Variants in SLC9A8 observed in about 807,000 individuals in gnomAD.
The protein encoded by SLC9A8 is solute carrier family 9 member A8, also known as sodium/hydrogen exchanger 8.
In SLC9A8, 48 loss-of-function variants were observed where a neutral mutation model predicts 66.6. The ratio of observed to expected loss-of-function variants is 0.72; its 90% CI spans 0.57 to 0.92. The LOEUF is 0.92. SLC9A8 is among the 40% of genes least tolerant of loss of function. The pLI is 0.00. For missense variants in SLC9A8, 599 were observed against 747.3 expected, an observed-to-expected ratio of 0.80 and a Z score of 2.31; for synonymous variants, 274 against 282.6, an observed-to-expected ratio of 0.97 and a Z score of 0.31.
At position 49,855,422 on chromosome 20, in the gene SLC9A8, C is replaced by T. The variant is rs751725548; in HGVS notation, c.570-16C>T. 1.1e-5 allele frequency: 18 copies of T among 1,613,218 alleles called. No individual in the cohort carries two copies. Among genetic ancestry groups the T allele is most frequent in the South Asian group, 1.1e-5 (1 of 91,016 alleles). On this transcript the variant is annotated splice_polypyrimidine_tract_variant and intron_variant, in intron 7 of 15. Transcript: ENST00000361573. ...ACACACATTACAGAATCTCCCCTTC[C>T]CTCTGTCTCTTACAGTTTTGCGTTT...
rs1029249823 is a variant in SLC9A8 at position 49,889,554 on chromosome 20, A to C, written c.*1618A>C. On this transcript the variant is annotated 3_prime_UTR_variant, in exon 16 of 16. Transcript: ENST00000361573. The stretch of plus-strand genomic sequence containing the variant: ...ATCCTACCACCTCGCCTTGACCCTG[A>C]AGTCAGAGCAGGCCAGCCAAGCAGG... 6.6e-6 allele frequency: 1 copy of C among 152,288 alleles called. No individual in the cohort carries two copies. The highest frequency in any genetic ancestry group is 1.5e-5 in the Non-Finnish European group (1 of 68,084). The allele number at this position is 152,288 out of a possible 1,614,324, so 9.4% of individuals were successfully genotyped here. A position where few individuals can be genotyped will look rare whatever the true frequency, so the allele number is the denominator to read the frequency against.
chr20:49,830,240 TG>T, intron 3 of SLC9A8: 1 of 942,296 alleles, frequency 1.1e-6, no homozygotes, highest in Non-Finnish European at 1.8e-6. Flanking sequence ...AGATGGGATT[TG>T]GGGGCCTTGG....
rs1408123017 is a variant in SLC9A8, at chr20:49,888,357, CA to C, written c.*422del. Reference sequence around the variant, plus strand: ...GCTGCCCCCGCCGGACTGGCAGAGCCAGGGGTCAGCCACCTGCCTTTGAGTC... The same window carrying C: ...GCTGCCCCCGCCGGACTGGCAGAGCCGGGGTCAGCCACCTGCCTTTGAGTC... On this transcript the variant is annotated 3_prime_UTR_variant, in exon 16 of 16. Transcript: ENST00000361573. 5.6e-6 allele frequency: 1 copy of C among 177,986 alleles called. No individual in the cohort carries two copies. Among genetic ancestry groups the C allele is most frequent in the Non-Finnish European group, 1.2e-5 (1 of 81,618 alleles). 11.0% of individuals were successfully genotyped at this position (177,986 alleles called of 1,614,324 possible).
At chr20:49,847,956 C>G (rs993317138) in intron 5 of SLC9A8, among the ~76,000 whole-genome samples, 2 of 125,552 alleles carry the variant, frequency 1.6e-5, no homozygotes, top group Non-Finnish European at 3.1e-5. Flanking sequence ...GTTGCCCAGG[C>G]TGGAGTGCAA....
rs1278107203 is a variant in SLC9A8 at position 49,812,967 on chromosome 20, G to A, written c.26+19G>A. 3.6e-6 allele frequency: 5 copies of A among 1,397,628 alleles called. No individual in the cohort carries two copies. The highest frequency in any genetic ancestry group is 1.5e-5 in the African/African-American group (1 of 65,690). The allele number at this position is 1,397,628 out of a possible 1,614,324, so 86.6% of individuals were successfully genotyped here. ...AAGAGGAGTGAGTGGGCTTTTTCCC[G>A]GGCGGCGGAGGCGGCGGGGCTGGGC... On this transcript the variant is annotated intron_variant, in intron 1 of 15. Coordinates refer to ENST00000361573, the MANE Select transcript of SLC9A8 (RefSeq NM_015266.3).
At position 49,817,086 on chromosome 20, in the gene SLC9A8, C is replaced by G. The variant is rs372050822; in HGVS notation, c.208+1897C>G. ...CTCACACCTATAATCCCAGCACTTTCGCGTGGATCATCTAAGGTCAGGAGT... is the reference window on the plus strand; with the variant it reads ...CTCACACCTATAATCCCAGCACTTTGGCGTGGATCATCTAAGGTCAGGAGT... On this transcript the variant is annotated intron_variant, in intron 2 of 15. Transcript: ENST00000361573. Among the ~76,000 whole-genome samples, 7 of 148,896 alleles carry G rather than the reference C, an allele frequency of 4.7e-5. No homozygotes were observed. In the East Asian group the frequency reaches 6.5e-4, roughly 14 times the overall value.
Position 49,888,083 on chromosome 20 carries a change from C to A in SLC9A8, c.*147C>A. 1 of 628,542 alleles carries A rather than the reference C, an allele frequency of 1.6e-6. No individual in the cohort carries two copies. The highest frequency in any genetic ancestry group is 1.8e-5 in the South Asian group (1 of 54,854). 38.9% of individuals were successfully genotyped at this position (628,542 alleles called of 1,614,324 possible). Reference sequence around the variant, plus strand: ...GGGCGAGGTACTGGCTGCAGAGTCGCCTTAGTCCAGAACCTGACAGGCCTC... The same window carrying A: ...GGGCGAGGTACTGGCTGCAGAGTCGACTTAGTCCAGAACCTGACAGGCCTC... On this transcript the variant is annotated 3_prime_UTR_variant, in exon 16 of 16. Transcript: ENST00000361573.
rs186762390 is a variant in SLC9A8 at position 49,866,539 on chromosome 20, A to T, written c.958+1695A>T. ...CACCACACTTATTTTAATTTAAAAA[A>T]GTTTAGCTGTCCTGATAGGTGTGTA... On this transcript the variant is annotated intron_variant, in intron 10 of 15. Transcript: ENST00000361573. Among the ~76,000 whole-genome samples, 517 of 152,328 alleles carry T rather than the reference A, an allele frequency of 3.4e-3. 4 individuals carry two copies. The highest frequency in any genetic ancestry group is 0.014 in the Middle Eastern group (4 of 294).
chr20:49,823,101 A>G lies in SLC9A8; in HGVS notation c.249A>G (p.Arg83=), dbSNP rs774688548. 92 of 1,612,530 alleles carry G rather than the reference A, an allele frequency of 5.7e-5. No individual in the cohort carries two copies. The highest frequency in any genetic ancestry group is 7.6e-5 in the Non-Finnish European group (90 of 1,179,512). The change falls in exon 3 of 16, where the codon AGA becomes AGG. Residue 83 remains arginine (R), a synonymous_variant. Coordinates refer to ENST00000361573, the MANE Select transcript of SLC9A8 (RefSeq NM_015266.3). ...TGGTGCATTTACTGATCCGATACAG[A>G]TTACATTTCTTGCCAGAGAGTGTTG... ...IILVHLLIRY[R]LHFLPESVAV... is the part of the protein sequence containing the mutation.
At chr20:49,884,336 A>ACACACACACACACACCCC (rs1568884621) in intron 14 of SLC9A8, among the ~76,000 whole-genome samples, 1 of 108,478 alleles carries the variant, frequency 9.2e-6, no homozygotes, top group South Asian at 3.1e-4. Context: ...ACACACACAC[A>ACACACACACACACACCCC]CCCCCCGGTC....
chr20:49,866,558 G>A (rs1047924058), intron 10 of SLC9A8, among the ~76,000 whole-genome samples: 11 of 152,174 alleles, frequency 7.2e-5, no homozygotes, highest in African/African-American at 2.4e-4. Flanking sequence ...GTCCTGATAG[G>A]TGTGTAGCAA....
chr20:49,855,355 A>T, intron 7 of SLC9A8, 83 bp from the exon 8 acceptor site: 1 of 1,367,098 alleles, frequency 7.3e-7, no homozygotes, highest in Non-Finnish European at 1.0e-6. Context: ...TTTCTGTTAA[A>T]TATGGCCTTT....
At chr20:49,845,009 C>G in intron 4 of SLC9A8, 27 bp from the exon 5 acceptor site, 1 of 1,515,868 alleles carries the variant, frequency 6.6e-7, no homozygotes, top group East Asian at 2.3e-5. Context: ...ATTCCATGCC[C>G]TTAAGATACT....
At chr20:49,828,120 G>T (rs1269743045) in intron 3 of SLC9A8, among the ~76,000 whole-genome samples, 7 of 116,392 alleles carry the variant, frequency 6.0e-5, no homozygotes, top group Non-Finnish European at 8.3e-5. Context: ...CACTTTTGCC[G>T]CCCAGGCTGG....
At chr20:49,874,851 A>ACAC (rs2089360823) in intron 11 of SLC9A8, 30 bp downstream of exon 11, 1 of 1,410,372 alleles carries the variant, frequency 7.1e-7, no homozygotes, top group South Asian at 1.1e-5. Context: ...GGCCGTGAGC[A>ACAC]GGCCCACCCA....
At chr20:49,864,901 A>C in intron 10 of SLC9A8, 57 bp downstream of exon 10, 3 of 1,152,220 alleles carry the variant, frequency 2.6e-6, no homozygotes, top group Non-Finnish European at 3.9e-6. Flanking sequence ...CTGCCTGGGG[A>C]AAGAGGCTTT....
At chr20:49,815,324 C>A (rs1324215614) in intron 2 of SLC9A8, 135 bp downstream of exon 2, 3 of 624,196 alleles carry the variant, frequency 4.8e-6, no homozygotes, top group South Asian at 2.7e-5. Flanking sequence ...ACTGAGGGAA[C>A]ATGATCAGTT....
intron 11 of SLC9A8, among the ~76,000 whole-genome samples, chr20:49,877,167 G>T (rs1437032287): frequency 6.6e-6 from 1 of 151,222 alleles, no homozygotes; most frequent in Non-Finnish European, 1.5e-5. Context: ...GGTGGCGAGC[G>T]CCTGTAATCC....
intron 3 of SLC9A8, chr20:49,830,387 C>G: frequency 1.2e-6 from 1 of 841,994 alleles, no homozygotes; most frequent in South Asian, 1.3e-5. Flanking sequence ...CTGAAGTCCT[C>G]TCAACCTGTG....
Sources: gnomAD v4.1 joint callset for allele counts (sites outside exome capture counted in the v4.1 genomes callset) on GRCh38, gnomAD v4.1.1 for gene constraint, MANE v1.5 for transcripts, NCBI Gene and HGNC (gene_info 2026-07-23, HGNC 2026-07-21) for gene names.